Variants in FKBP15 observed in about 807,000 individuals in gnomAD.
The protein encoded by FKBP15 is FKBP prolyl isomerase family member 15.
Under a neutral mutation model 158.1 loss-of-function variants are expected in FKBP15, and 106 were observed. That is an observed-to-expected ratio of 0.67 (90% CI 0.57 to 0.79). The LOEUF (loss-of-function observed/expected upper bound fraction) is 0.79. Ranked by LOEUF, FKBP15 falls within the 30% of genes least tolerant of loss-of-function variation. FKBP15 has a pLI of 0.00. For missense variants in FKBP15, 1,287 were observed against 1,479.1 expected (o/e 0.87, Z 2.13); for synonymous variants, 547 against 548.6 (o/e 1.00, Z 0.04).
chr9:113,193,967 C>G (rs372413987), intron 10 of FKBP15, 60 bp downstream of exon 10: 3 of 1,486,692 alleles, frequency 2.0e-6, no homozygotes, highest in South Asian at 2.8e-5. Context: ...TATTTCTGAA[C>G]CCCTCTAAGA....
chr9:113,207,347 A>ATTTTTTTTTTTTT, intron 2 of FKBP15, 51 bp from the exon 3 acceptor site: 3 of 1,407,310 alleles, frequency 2.1e-6, no homozygotes, highest in Non-Finnish European at 2.0e-6. Flanking sequence ...GCTTTAAACT[A>ATTTTTTTTTTTTT]ATTTTTTTTA....
At chr9:113,196,792 A>T in intron 9 of FKBP15, 140 bp downstream of exon 9, 1 of 1,010,042 alleles carries the variant, frequency 9.9e-7, no homozygotes, top group Non-Finnish European at 1.4e-6. Flanking sequence ...ATTTCTGACT[A>T]CTCCATTTCT....
chr9:113,165,873 T>C lies in FKBP15; in HGVS notation c.*205A>G, dbSNP rs886192089. On this transcript the variant is annotated 3_prime_UTR_variant, in exon 28 of 28. Transcript: ENST00000238256. Reference sequence around the variant, plus strand: ...ACTTGCTGCTGAAATCCCAGTGTTCTTGAAGACAGGGTTATGATCCTCTTC... The same window carrying C: ...ACTTGCTGCTGAAATCCCAGTGTTCCTGAAGACAGGGTTATGATCCTCTTC... The C allele has an allele frequency of 1.2e-4, 61 of 507,134 alleles. No homozygotes were observed. The highest frequency in any genetic ancestry group is 1.1e-3 in the African/African-American group (58 of 51,874). 31.4% of individuals were successfully genotyped at this position (507,134 alleles called of 1,614,324 possible).
chr9:113,187,975 C>T, intron 13 of FKBP15, 76 bp from the exon 14 acceptor site: 3 of 1,043,874 alleles, frequency 2.9e-6, no homozygotes, highest in Non-Finnish European at 4.4e-6. Flanking sequence ...ACCTTACATA[C>T]TATCATGCTT....
rs769780882 is a variant in FKBP15, at chr9:113,169,236, G to A, written c.3473C>T (p.Ser1158Phe). 2 of 1,613,026 alleles carry A rather than the reference G, an allele frequency of 1.2e-6. No homozygotes were observed. Among genetic ancestry groups the A allele is most frequent in the African/African-American group, 2.7e-5 (2 of 74,902 alleles). The change falls in exon 26 of 28, where the codon TCC (serine) becomes TTC (phenylalanine). Residue 1158 changes from serine to phenylalanine, a missense_variant. Transcript: ENST00000238256. ...AGAALRPSHH[S>F]QRSSLSGDEE... ...CAGAGGAACATACCTGGAACGCTGGGAATGATGGCTGGGTCTGAGGGCTGC... is the reference window on the plus strand; with the variant it reads ...CAGAGGAACATACCTGGAACGCTGGAAATGATGGCTGGGTCTGAGGGCTGC...
intron 11 of FKBP15, among the ~76,000 whole-genome samples, chr9:113,190,905 G>A (rs1257796287): frequency 3.3e-5 from 5 of 152,164 alleles, no homozygotes; most frequent in Non-Finnish European, 4.4e-5. Flanking sequence ...AAGAAAGGGA[G>A]GCATTTTAGG....
chr9:113,217,931 G>T (rs535394267), intron 1 of FKBP15, among the ~76,000 whole-genome samples: 14 of 151,866 alleles, frequency 9.2e-5, no homozygotes, highest in African/African-American at 3.1e-4. Context: ...CCCTATGTTG[G>T]CAAGAATGAG....
intron 2 of FKBP15, among the ~76,000 whole-genome samples, chr9:113,210,159 C>T (rs939003676): frequency 2.0e-5 from 3 of 152,140 alleles, no homozygotes; most frequent in Non-Finnish European, 2.9e-5. Flanking sequence ...CAACAAAGCG[C>T]ACGCTATCTA....
intron 8 of FKBP15, among the ~76,000 whole-genome samples, chr9:113,197,539 C>T (rs765973176): frequency 2.0e-5 from 3 of 152,002 alleles, no homozygotes; most frequent in Admixed American, 6.6e-5. Flanking sequence ...TGTGGTGGTG[C>T]GCTCCTGTAG....
At chr9:113,173,374 G>A in intron 23 of FKBP15, 79 bp downstream of exon 23, 5 of 1,473,112 alleles carry the variant, frequency 3.4e-6, no homozygotes, top group Non-Finnish European at 4.7e-6. Flanking sequence ...GGCTTAGAAG[G>A]ATCGACAGGA....
intron 17 of FKBP15, 32 bp from the exon 18 acceptor site, chr9:113,183,877 G>C: frequency 6.5e-7 from 1 of 1,538,556 alleles, no homozygotes. Context: ...TACAATTTAA[G>C]TGTCTTGGGA....
At position 113,164,466 on chromosome 9, in the gene FKBP15, C is replaced by A. The variant is rs1444999418; in HGVS notation, c.*1612G>T. 1.3e-5 allele frequency: 2 copies of A among 152,258 alleles called. No homozygotes were observed. Among genetic ancestry groups the A allele is most frequent in the Non-Finnish European group, 2.9e-5 (2 of 68,054 alleles). The allele number at this position is 152,258 out of a possible 1,614,324, so 9.4% of individuals were successfully genotyped here. A position where few individuals can be genotyped will look rare whatever the true frequency, so the allele number is the denominator to read the frequency against. ...TGTTGGCACAATTACTCAGCATCTT[C>A]TCTCCCTGCGGGCAGAAGCAAATAT... On this transcript the variant is annotated 3_prime_UTR_variant, in exon 28 of 28. Coordinates refer to ENST00000238256, the MANE Select transcript of FKBP15 (RefSeq NM_015258.2).
rs756341357 is a variant in FKBP15, at chr9:113,194,043, T to C, written c.991A>G (p.Ile331Val). Residue 331 changes from isoleucine (I) to valine (V), a missense_variant, in exon 10 of 28, where the codon ATA becomes GTA. Physicochemically the swap from Ile to Val is conservative, Grantham distance 29 (BLOSUM62 3). Coordinates refer to ENST00000238256, the MANE Select transcript of FKBP15 (RefSeq NM_015258.2). ...GTATCTTACCCTGATTTGAAAGGTATTGATGTGGGTGGTGACACAACAGGA... is the reference window on the plus strand; with the variant it reads ...GTATCTTACCCTGATTTGAAAGGTACTGATGTGGGTGGTGACACAACAGGA... Reference protein sequence around the residue: ...ADPVVSPPTSIPFKSGEPALR... With the variant: ...ADPVVSPPTSVPFKSGEPALR... 1.9e-6 allele frequency: 3 copies of C among 1,612,590 alleles called. No homozygotes were observed. Among genetic ancestry groups the C allele is most frequent in the East Asian group, 4.5e-5 (2 of 44,832 alleles).
At chr9:113,208,810 C>T (rs538204892) in intron 2 of FKBP15, among the ~76,000 whole-genome samples, 1 of 152,052 alleles carries the variant, frequency 6.6e-6, no homozygotes, top group South Asian at 2.1e-4. Context: ...AGTTTGAGAC[C>T]AGTCTGGCCA....
rs916831500 is a variant in FKBP15 at position 113,169,393 on chromosome 9, C to T, written c.3316G>A (p.Asp1106Asn). The T allele has an allele frequency of 3.7e-6, 6 of 1,613,906 alleles. No individual in the cohort carries two copies. The highest frequency in any genetic ancestry group is 2.7e-5 in the African/African-American group (2 of 74,936). The change falls in exon 26 of 28, where the codon GAC becomes AAC. Residue 1106 changes from aspartate to asparagine, a missense_variant. Physicochemically the swap from Asp to Asn is conservative, Grantham distance 23. Coordinates refer to ENST00000238256, the MANE Select transcript of FKBP15 (RefSeq NM_015258.2). ...CTTTCAGGCCCTAAGGCCAGTGGGTCCCCCTCCTCGGGGTCTGAAGTCAGG... is the reference window on the plus strand; with the variant it reads ...CTTTCAGGCCCTAAGGCCAGTGGGTTCCCCTCCTCGGGGTCTGAAGTCAGG... ...LSLTSDPEEG[D>N]PLALGPESPG...
In FKBP15 at chr9:113,169,745, G is replaced by A. The variant is rs762306083; in HGVS notation, c.2964C>T (p.Val988=). ...ESPMVPSEQV[V]EEAVPLPPQA... ...GAGGAGGCAACGGGACAGCTTCCTC[G>A]ACCACCTGCTCTGAGGGCACCATGG... is the stretch of plus-strand genomic sequence containing the variant. The change falls in exon 26 of 28, where the codon GTC becomes GTT. Residue 988 remains valine, a synonymous_variant. Coordinates refer to ENST00000238256, the MANE Select transcript of FKBP15 (RefSeq NM_015258.2). 5.6e-6 allele frequency: 9 copies of A among 1,611,778 alleles called. No individual in the cohort carries two copies. The highest frequency in any genetic ancestry group is 1.1e-5 in the South Asian group (1 of 90,454).
intron 3 of FKBP15, chr9:113,206,985 A>G: frequency 2.0e-6 from 1 of 488,198 alleles, no homozygotes; most frequent in Non-Finnish European, 3.7e-6. Flanking sequence ...TGAGCATTTG[A>G]CAGCTGTTGA....
At position 113,164,598 on chromosome 9, in the gene FKBP15, A is replaced by G. The variant is rs2118846282; in HGVS notation, c.*1480T>C. 6.6e-6 allele frequency: 1 copy of G among 152,442 alleles called. No homozygotes were observed. Among genetic ancestry groups the G allele is most frequent in the African/African-American group, 2.4e-5 (1 of 41,576 alleles). The allele number at this position is 152,442 out of a possible 1,614,324, so 9.4% of individuals were successfully genotyped here. On this transcript the variant is annotated 3_prime_UTR_variant, in exon 28 of 28. Coordinates refer to ENST00000238256, the MANE Select transcript of FKBP15 (RefSeq NM_015258.2). ...TTCCCCCATGTTTGCAGGGAACTGG[A>G]AAGCTGCCTGGTGTCTCAAGAAGCC...
Position 113,194,143 on chromosome 9 carries a change from A to T in FKBP15, c.891T>A (p.Ser297=). The change falls in exon 10 of 28, where the codon TCT becomes TCA. Residue 297 remains serine (S), a synonymous_variant. Coordinates refer to ENST00000238256, the MANE Select transcript of FKBP15 (RefSeq NM_015258.2). ...CGCGGGAACTAACACTGTGACCATC[A>T]GAGCCAGAATCTCTGGCAAACTTCA... is the stretch of plus-strand genomic sequence containing the variant. ...RRVKFARDSG[S]DGHSVSSRDS... The T allele has an allele frequency of 6.2e-7, 1 of 1,612,238 alleles. No homozygotes were observed.
Sources: gnomAD v4.1 joint callset for allele counts (sites outside exome capture counted in the v4.1 genomes callset) on GRCh38, gnomAD v4.1.1 for gene constraint, MANE v1.5 for transcripts, NCBI Gene and HGNC (gene_info 2026-07-23, HGNC 2026-07-21) for gene names.